SOX5: variants seen among roughly 807,000 people sequenced by gnomAD.
SOX5 encodes transcription factor SOX-5.
Under a neutral mutation model 92.0 loss-of-function variants are expected in SOX5, and 9 were observed. That is an observed-to-expected ratio of 0.10 (90% confidence interval 0.06 to 0.17). SOX5 has a LOEUF of 0.17. Ranked by LOEUF, SOX5 falls within the 10% of genes least tolerant of loss-of-function variation. The pLI is 1.00. For synonymous variants in SOX5, 344 were observed against 336.3 expected, an observed-to-expected ratio of 1.02 and a Z score of -0.25; for missense variants, 642 against 944.5, an observed-to-expected ratio of 0.68 and a Z score of 4.20.
At chr12:23,616,089 G>A (rs1267423496) in intron 8 of SOX5, among the ~76,000 whole-genome samples, 2 of 152,110 alleles carry the variant, frequency 1.3e-5, no homozygotes, top group African/African-American at 4.8e-5. Context: ...GGTTCTAAAG[G>A]GATATGTGTT....
chr12:23,851,983 A>G (rs1319333818), intron 2 of SOX5, among the ~76,000 whole-genome samples: 1 of 152,192 alleles, frequency 6.6e-6, no homozygotes, highest in Non-Finnish European at 1.5e-5. Context: ...GTTGGTATGT[A>G]GTGGCCTAAT....
chr12:23,864,413 T>G (rs775272526), intron 2 of SOX5, among the ~76,000 whole-genome samples: 1 of 152,122 alleles, frequency 6.6e-6, no homozygotes, highest in South Asian at 2.1e-4. Context: ...TTATTATACT[T>G]AGTGAGAAAG....
At chr12:23,646,236 G>T (rs561971507) in intron 7 of SOX5, among the ~76,000 whole-genome samples, 4 of 151,988 alleles carry the variant, frequency 2.6e-5, no homozygotes, top group African/African-American at 9.7e-5. Flanking sequence ...GTGCAGTGGC[G>T]CAAACATTAC....
intron 6 of SOX5, among the ~76,000 whole-genome samples, chr12:23,688,875 C>T (rs1172662445): frequency 6.6e-6 from 1 of 152,058 alleles, no homozygotes; most frequent in Non-Finnish European, 1.5e-5. Context: ...TAGGCGTGTT[C>T]AATAAATGTC....
At chr12:23,599,116 A>G (rs1455390134) in intron 9 of SOX5, among the ~76,000 whole-genome samples, 1 of 152,236 alleles carries the variant, frequency 6.6e-6, no homozygotes, top group Non-Finnish European at 1.5e-5. Context: ...TAGGTTCCCT[A>G]ATAGGAGTCA....
intron 4 of SOX5, among the ~76,000 whole-genome samples, chr12:24,094,589 T>A (rs920554152): frequency 6.6e-6 from 1 of 152,094 alleles, no homozygotes; most frequent in African/African-American, 2.4e-5. Flanking sequence ...ATACTCCTAT[T>A]TTTGACAGTA....
intron 4 of SOX5, among the ~76,000 whole-genome samples, chr12:24,004,420 A>G (rs1951932739): frequency 6.6e-6 from 1 of 152,104 alleles, no homozygotes; most frequent in South Asian, 2.1e-4. Context: ...TTAAAACTCA[A>G]TAAAAGAAAC....
At chr12:23,945,945 T>C (rs1207660671) in intron 1 of SOX5, among the ~76,000 whole-genome samples, 1 of 152,046 alleles carries the variant, frequency 6.6e-6, no homozygotes, top group Non-Finnish European at 1.5e-5. Context: ...TGTCAGAGAG[T>C]AGTTTTCTGC....
At chr12:23,552,060 T>C (rs1024150245) in intron 11 of SOX5, among the ~76,000 whole-genome samples, 8 of 151,934 alleles carry the variant, frequency 5.3e-5, no homozygotes, top group Admixed American at 5.3e-4. Flanking sequence ...GAATAACTTT[T>C]CAATATATGA....
chr12:24,261,676 C>A (rs1942113611), intron 3 of SOX5, among the ~76,000 whole-genome samples: 2 of 152,184 alleles, frequency 1.3e-5, no homozygotes, highest in Non-Finnish European at 2.9e-5. Flanking sequence ...TTATGTGTCG[C>A]TACTGCCTTA....
chr12:23,601,098 C>T (rs1306404767), intron 9 of SOX5, among the ~76,000 whole-genome samples: 5 of 152,182 alleles, frequency 3.3e-5, no homozygotes, highest in South Asian at 2.1e-4. Context: ...TATCATTTCT[C>T]AGCATTATCC....
At chr12:23,839,526 A>G (rs754110942) in intron 3 of SOX5, among the ~76,000 whole-genome samples, 1 of 152,206 alleles carries the variant, frequency 6.6e-6, no homozygotes, top group Non-Finnish European at 1.5e-5. Context: ...CAACAAAAAC[A>G]GATAAAGACA....
At chr12:23,742,971 C>T (rs1390009818) in intron 4 of SOX5, among the ~76,000 whole-genome samples, 1 of 151,778 alleles carries the variant, frequency 6.6e-6, no homozygotes, top group Non-Finnish European at 1.5e-5. Flanking sequence ...AAAATCTAGT[C>T]CAAAAATATC....
intron 4 of SOX5, among the ~76,000 whole-genome samples, chr12:24,195,244 T>G (rs1025865482): frequency 6.6e-6 from 1 of 151,942 alleles, no homozygotes; most frequent in African/African-American, 2.4e-5. Flanking sequence ...TTTAAACGAG[T>G]AAACTCATAT....
intron 7 of SOX5, among the ~76,000 whole-genome samples, chr12:23,649,340 T>C (rs1465457207): frequency 1.3e-5 from 2 of 152,112 alleles, no homozygotes; most frequent in Non-Finnish European, 2.9e-5. Context: ...CATTCCTCAA[T>C]TAACTGTACT....
chr12:24,229,798 C>T (rs1272766634), intron 3 of SOX5, among the ~76,000 whole-genome samples: 4 of 152,208 alleles, frequency 2.6e-5, no homozygotes, highest in South Asian at 2.1e-4. Flanking sequence ...GGAAAAAGAC[C>T]GCTAGCAATA....
intron 7 of SOX5, among the ~76,000 whole-genome samples, chr12:23,653,295 T>G (rs1370819165): frequency 6.6e-6 from 1 of 152,008 alleles, no homozygotes; most frequent in Non-Finnish European, 1.5e-5. Flanking sequence ...CTTTAGGCTT[T>G]TTTTTTCTGC....
chr12:23,992,247 A>G (rs1326725707), intron 4 of SOX5, among the ~76,000 whole-genome samples: 1 of 152,222 alleles, frequency 6.6e-6, no homozygotes. Context: ...GTTAACAATG[A>G]TATATTTTTA....
chr12:24,004,408 T>A (rs1951931896), intron 4 of SOX5, among the ~76,000 whole-genome samples: 1 of 151,812 alleles, frequency 6.6e-6, no homozygotes, highest in African/African-American at 2.4e-5. Flanking sequence ...GATGAAGAAC[T>A]CTTAAAACTC....
Sources: gnomAD v4.1 joint callset for allele counts (sites outside exome capture counted in the v4.1 genomes callset) on GRCh38, gnomAD v4.1.1 for gene constraint, MANE v1.5 for transcripts, NCBI Gene and HGNC (gene_info 2026-07-23, HGNC 2026-07-21) for gene names.